The following DENND1A variants were observed in gnomAD, a reference collection of about 807,000 sequenced individuals.
The protein encoded by DENND1A is DENN domain containing 1A, also known as DENN domain-containing protein 1A.
In DENND1A, 51 loss-of-function variants were observed where a neutral mutation model predicts 113.7. The ratio of observed to expected loss-of-function variants is 0.45; its 90% CI spans 0.36 to 0.57. The LOEUF is 0.57. Among genes scored for constraint, DENND1A ranks in the 20% least tolerant of loss-of-function variants. DENND1A has a pLI of 0.00. For synonymous variants in DENND1A, 565 were observed against 570.8 expected (o/e 0.99, Z 0.14); for missense variants, 1,258 against 1,395.9 (o/e 0.90, Z 1.57).
intron 13 of DENND1A, among the ~76,000 whole-genome samples, chr9:123,461,036 T>C (rs1162427182): frequency 1.3e-5 from 2 of 152,214 alleles, no homozygotes; most frequent in African/African-American, 4.8e-5. Flanking sequence ...TGACCCTGGC[T>C]TCCTTTCCTA....
At chr9:123,661,791 A>T (rs2063249088) in intron 8 of DENND1A, among the ~76,000 whole-genome samples, 1 of 152,250 alleles carries the variant, frequency 6.6e-6, no homozygotes, top group Non-Finnish European at 1.5e-5. Flanking sequence ...AAATATTAAT[A>T]TAATGGCAGA....
chr9:123,630,345 G>A (rs1287631378), intron 10 of DENND1A, 31 bp downstream of exon 10: 2 of 1,527,614 alleles, frequency 1.3e-6, no homozygotes, highest in African/African-American at 1.4e-5. Flanking sequence ...CAGGGCAAAG[G>A]AGAAGCAGAG....
rs117385400 is a variant in DENND1A, at chr9:123,486,471, C to T, written c.994-28574G>A. Among the ~76,000 whole-genome samples the T allele has an allele frequency of 9.6e-4, 146 of 152,216 alleles. 2 individuals carry two copies. In the East Asian group the frequency reaches 0.018, roughly 19 times the overall value. ...CTTTCTGCCTCAGCTTGATACACACCGAGACTTCTGGGAGGCCAGGAAGGA... is the reference window on the plus strand; with the variant it reads ...CTTTCTGCCTCAGCTTGATACACACTGAGACTTCTGGGAGGCCAGGAAGGA... On this transcript the variant is annotated intron_variant, in intron 13 of 23. Coordinates refer to ENST00000394215, the MANE Select transcript of DENND1A (RefSeq NM_001352964.2).
chr9:123,839,921 T>C lies in DENND1A; in HGVS notation c.88+39030A>G, dbSNP rs551097774. ...AAGTAAATGAGAAACCGAAACTATT[T>C]TCAAAAATAAATGTAGGACACTGGT... On this transcript the variant is annotated intron_variant, in intron 2 of 23. Coordinates refer to ENST00000394215, the MANE Select transcript of DENND1A (RefSeq NM_001352964.2). Among the ~76,000 whole-genome samples, 6 of 152,294 alleles carry C rather than the reference T, an allele frequency of 3.9e-5. No homozygotes were observed. In the South Asian group the frequency reaches 6.2e-4, roughly 16 times the overall value.
intron 21 of DENND1A, among the ~76,000 whole-genome samples, chr9:123,388,774 GGGGCGAGC>G: frequency 6.6e-6 from 1 of 152,130 alleles, no homozygotes; most frequent in African/African-American, 2.4e-5. Context: ...GTGCTCAGCA[GGGGCGAGC>G]TGGACCAGGC....
chr9:123,521,803 C>T (rs549045174), intron 13 of DENND1A, among the ~76,000 whole-genome samples: 1 of 152,302 alleles, frequency 6.6e-6, no homozygotes, highest in Non-Finnish European at 1.5e-5. Flanking sequence ...CCATGGGTTC[C>T]ATACTAAATC....
At chr9:123,837,985 C>T (rs777960522) in intron 2 of DENND1A, among the ~76,000 whole-genome samples, 26 of 152,212 alleles carry the variant, frequency 1.7e-4, no homozygotes, top group Non-Finnish European at 3.4e-4. Flanking sequence ...ACAACTTGTA[C>T]ATCCTATCGT....
chr9:123,669,695 A>G (rs1301297048), intron 7 of DENND1A, among the ~76,000 whole-genome samples: 3 of 152,212 alleles, frequency 2.0e-5, no homozygotes, highest in African/African-American at 7.2e-5. Context: ...AAGGACAGAG[A>G]CAAAGGCAGG....
chr9:123,451,931 C>T (rs2047746984), intron 17 of DENND1A, among the ~76,000 whole-genome samples: 1 of 151,918 alleles, frequency 6.6e-6, no homozygotes, highest in South Asian at 2.1e-4. Context: ...GGTGCAGCAG[C>T]TCATGCTGGT....
At chr9:123,450,849 A>G (rs1380061760) in intron 17 of DENND1A, 100 bp from the exon 18 acceptor site, 22 of 925,536 alleles carry the variant, frequency 2.4e-5, no homozygotes, top group Non-Finnish European at 3.4e-5. Flanking sequence ...TGATTACTAG[A>G]AAAAGGAAGG....
intron 5 of DENND1A, among the ~76,000 whole-genome samples, chr9:123,710,534 A>AACAC (rs59599155): frequency 7.5e-4 from 88 of 116,738 alleles, no homozygotes; most frequent in Admixed American, 1.3e-3. Flanking sequence ...AGCCTCATTA[A>AACAC]ACACACACAC....
intron 12 of DENND1A, among the ~76,000 whole-genome samples, chr9:123,561,200 G>C (rs1216267955): frequency 6.6e-6 from 1 of 152,186 alleles, no homozygotes; most frequent in Non-Finnish European, 1.5e-5. Flanking sequence ...CTTTCATTCG[G>C]GAGGTGTTTA....
Position 123,382,101 on chromosome 9 carries a change from G to T in DENND1A, c.2544C>A (p.Asp848Glu). The part of the protein sequence containing the change: ...TSSDALLALL[D>E]PLSTAWSGST... ...TGCCTGACCAGGCTGTGCTGAGCGG[G>T]TCCAGGAGGGCGAGCAGGGCGTCAC... The change falls in exon 24 of 24, where the codon GAC becomes GAA. Residue 848 changes from aspartate to glutamate, a missense_variant. Asp to Glu is a conservative substitution (Grantham distance 45). Transcript: ENST00000394215. 1 of 1,559,862 alleles carries T rather than the reference G, an allele frequency of 6.4e-7. No homozygotes were observed. Among genetic ancestry groups the T allele is most frequent in the Non-Finnish European group, 8.7e-7 (1 of 1,153,542 alleles).
chr9:123,888,398 G>A (rs1311588117), intron 1 of DENND1A, among the ~76,000 whole-genome samples: 3 of 152,150 alleles, frequency 2.0e-5, no homozygotes, highest in African/African-American at 7.2e-5. Flanking sequence ...AATGAGAAAT[G>A]GTATATTTAC....
Position 123,457,911 on chromosome 9 carries a change from A to AG in DENND1A, c.994-15dup. On this transcript the variant is annotated splice_polypyrimidine_tract_variant and intron_variant, in intron 13 of 23. Transcript: ENST00000394215. The stretch of plus-strand genomic sequence containing the variant: ...GATCGGCTCCTCCTGGGAAGTGCAG[A>AG]GGGGAGAGGTGGGTCAGTGGCACGG... 6.3e-7 allele frequency: 1 copy of AG among 1,599,882 alleles called. No individual in the cohort carries two copies. Among genetic ancestry groups the AG allele is most frequent in the Non-Finnish European group, 8.5e-7 (1 of 1,172,244 alleles).
intron 5 of DENND1A, among the ~76,000 whole-genome samples, chr9:123,745,013 TG>T (rs1202435835): frequency 6.6e-6 from 1 of 152,110 alleles, no homozygotes; most frequent in East Asian, 1.9e-4. Context: ...CGACCTCAGG[TG>T]ATCGACCCGC....
At chr9:123,401,975 C>A in intron 21 of DENND1A, 3 of 1,608,860 alleles carry the variant, frequency 1.9e-6, no homozygotes, top group Non-Finnish European at 2.6e-6. Flanking sequence ...GACCCTGTAT[C>A]CTGGTACAGT....
chr9:123,920,735 ATTTT>A (rs761034647), intron 1 of DENND1A, among the ~76,000 whole-genome samples: 1 of 137,850 alleles, frequency 7.3e-6, no homozygotes. Context: ...AATTTTTGTA[ATTTT>A]TTTTTTTTTT....
intron 19 of DENND1A, among the ~76,000 whole-genome samples, chr9:123,425,792 G>A (rs2045676584): frequency 1.3e-5 from 2 of 152,236 alleles, no homozygotes; most frequent in Non-Finnish European, 2.9e-5. Flanking sequence ...TGGAGAAGTC[G>A]GTGGAGGTGG....
Sources: gnomAD v4.1 joint callset for allele counts (sites outside exome capture counted in the v4.1 genomes callset) on GRCh38, gnomAD v4.1.1 for gene constraint, MANE v1.5 for transcripts, NCBI Gene and HGNC (gene_info 2026-07-23, HGNC 2026-07-21) for gene names.